CPNE4: variants seen among roughly 807,000 people sequenced by gnomAD.
CPNE4 encodes the protein copine-4.
A neutral mutation model predicts 67.9 loss-of-function variants in CPNE4; 25 were observed. The observed-to-expected ratio is 0.37, with a 90% CI of 0.27 to 0.51. The LOEUF is 0.51. Among genes scored for constraint, CPNE4 ranks in the 20% least tolerant of loss-of-function variants. CPNE4 has a pLI of 0.93. For synonymous variants in CPNE4, 242 were observed against 244.9 expected, an observed-to-expected ratio of 0.99 and a Z score of 0.11; for missense variants, 464 against 690.8, an observed-to-expected ratio of 0.67 and a Z score of 3.68.
At chr3:131,646,434 T>G (rs550114568) in intron 7 of CPNE4, among the ~76,000 whole-genome samples, 1 of 152,112 alleles carries the variant, frequency 6.6e-6, no homozygotes, top group Admixed American at 6.5e-5. Flanking sequence ...GCTCACTATA[T>G]ATAGCAGAAA....
intron 6 of CPNE4, among the ~76,000 whole-genome samples, chr3:131,683,458 C>A (rs1314478741): frequency 6.6e-6 from 1 of 152,154 alleles, no homozygotes; most frequent in East Asian, 1.9e-4. Context: ...CAGGACTCTG[C>A]CTGGTGCCCT....
intron 2 of CPNE4, among the ~76,000 whole-genome samples, chr3:131,893,595 A>G (rs1241160310): frequency 1.3e-5 from 2 of 152,008 alleles, no homozygotes; most frequent in Admixed American, 1.3e-4. Context: ...AGCCTTAAGC[A>G]TATAAAGATC....
rs1449340081 is a variant in CPNE4, at chr3:131,600,901, GCTA to G, written c.682-13322_682-13320del. Among the ~76,000 whole-genome samples, 3 of 152,112 alleles carry G rather than the reference GCTA, an allele frequency of 2.0e-5. No individual in the cohort carries two copies. The East Asian group carries it at 5.8e-4, about 29-fold the overall frequency. ...TCTAGACTCTCTGGCTGTGGACTTT[GCTA>G]CTTTTTCTTTTTCTTCTAAATCAGT... On this transcript the variant is annotated intron_variant, in intron 7 of 15. Coordinates refer to ENST00000429747, the MANE Select transcript of CPNE4 (RefSeq NM_130808.3).
chr3:131,794,480 T>TA (rs1481477479), intron 2 of CPNE4, among the ~76,000 whole-genome samples: 1 of 152,066 alleles, frequency 6.6e-6, no homozygotes, highest in African/African-American at 2.4e-5. Context: ...CTTGACCTTG[T>TA]GATCCACCCA....
At chr3:131,577,049 C>G (rs1937567366) in intron 9 of CPNE4, among the ~76,000 whole-genome samples, 1 of 150,938 alleles carries the variant, frequency 6.6e-6, no homozygotes, top group African/African-American at 2.4e-5. Context: ...TCATAAGGCC[C>G]AAAGTTGTCA....
At chr3:131,610,155 G>A (rs1473415655) in intron 7 of CPNE4, among the ~76,000 whole-genome samples, 1 of 151,936 alleles carries the variant, frequency 6.6e-6, no homozygotes, top group African/African-American at 2.4e-5. Flanking sequence ...CATGGGCCAG[G>A]TACTGTGCTA....
chr3:131,794,458 T>A (rs1324812202), intron 2 of CPNE4, among the ~76,000 whole-genome samples: 1 of 152,128 alleles, frequency 6.6e-6, no homozygotes, highest in Admixed American at 6.6e-5. Flanking sequence ...TTGGCCAGGA[T>A]GGTGTCGATC....
At chr3:131,778,393 T>C (rs2083345569) in intron 2 of CPNE4, among the ~76,000 whole-genome samples, 1 of 152,026 alleles carries the variant, frequency 6.6e-6, no homozygotes. Context: ...AGGTTCAAAT[T>C]CTTGTCTGGC....
chr3:131,917,201 C>T (rs770538973), intron 1 of CPNE4, among the ~76,000 whole-genome samples: 5 of 152,170 alleles, frequency 3.3e-5, no homozygotes, highest in Non-Finnish European at 7.4e-5. Flanking sequence ...TCTAACGTGG[C>T]AGTACCTTTA....
At position 131,774,051 on chromosome 3, in the gene CPNE4, C is replaced by A. The variant is rs1427418901; in HGVS notation, c.181-50426G>T. Among the ~76,000 whole-genome samples the A allele has an allele frequency of 2.6e-5, 4 of 152,210 alleles. No homozygotes were observed. In the East Asian group the frequency reaches 7.7e-4, roughly 29 times the overall value. On this transcript the variant is annotated intron_variant, in intron 2 of 15. Coordinates refer to ENST00000429747, the MANE Select transcript of CPNE4 (RefSeq NM_130808.3). Reference sequence around the variant, plus strand: ...TAAAACATATATTTTGAGACTATTTCATTAAGGAAACTGAGGCTTAGGATT... The same window carrying A: ...TAAAACATATATTTTGAGACTATTTAATTAAGGAAACTGAGGCTTAGGATT...
At chr3:131,564,741 G>A (rs941882284) in intron 10 of CPNE4, among the ~76,000 whole-genome samples, 8 of 151,946 alleles carry the variant, frequency 5.3e-5, no homozygotes, top group East Asian at 1.9e-4. Flanking sequence ...CCATCTACGC[G>A]GCATAGGTAA....
At chr3:131,876,174 G>A (rs2087436705) in intron 2 of CPNE4, among the ~76,000 whole-genome samples, 1 of 151,772 alleles carries the variant, frequency 6.6e-6, no homozygotes, top group Non-Finnish European at 1.5e-5. Flanking sequence ...AGGAGGCGGA[G>A]GTTACAGTGA....
At chr3:131,858,814 T>G (rs1027191412) in intron 2 of CPNE4, among the ~76,000 whole-genome samples, 1 of 152,084 alleles carries the variant, frequency 6.6e-6, no homozygotes, top group Non-Finnish European at 1.5e-5. Flanking sequence ...AAAATCAATC[T>G]TTACAAAATT....
intron 7 of CPNE4, among the ~76,000 whole-genome samples, chr3:131,635,256 C>T (rs1227172048): frequency 2.0e-5 from 3 of 152,172 alleles, no homozygotes; most frequent in Non-Finnish European, 4.4e-5. Context: ...AGGCTCCTAA[C>T]TTTGTCACAC....
intron 2 of CPNE4, among the ~76,000 whole-genome samples, chr3:131,794,522 C>T (rs553390226): frequency 1.3e-5 from 2 of 152,272 alleles, no homozygotes; most frequent in South Asian, 2.1e-4. Flanking sequence ...GGATTACTGG[C>T]GTGAGCCACC....
At chr3:131,623,994 G>A (rs1940607280) in intron 7 of CPNE4, among the ~76,000 whole-genome samples, 1 of 152,182 alleles carries the variant, frequency 6.6e-6, no homozygotes, top group African/African-American at 2.4e-5. Flanking sequence ...CACGGCAGTT[G>A]TTTACCACCT....
At position 131,549,981 on chromosome 3, in the gene CPNE4, G is replaced by A; in HGVS notation, c.1268C>T (p.Ser423Leu). 4 of 1,613,196 alleles carry A rather than the reference G, an allele frequency of 2.5e-6. No individual in the cohort carries two copies. The highest frequency in any genetic ancestry group is 3.4e-6 in the Non-Finnish European group (4 of 1,179,418). ...CTTGGTGTTAGTTTCCTCTGACGCT[G>A]ACTTGGCAACCTTCTGGATGATGGG... The part of the protein sequence containing the change: ...IAPIIQKVAK[S>L]ASEETNTKEA... The change falls in exon 14 of 16, where the codon TCA becomes TTA. Residue 423 changes from serine (S) to leucine (L), a missense_variant. Ser to Leu is a moderately radical substitution (Grantham distance 145). This residue lies in a region of CPNE4 where 201 missense variants were observed against 357.7 expected (regional missense o/e 0.56). Coordinates refer to ENST00000429747, the MANE Select transcript of CPNE4 (RefSeq NM_130808.3).
At chr3:131,816,979 C>T (rs562498770) in intron 2 of CPNE4, among the ~76,000 whole-genome samples, 154 of 152,286 alleles carry the variant, frequency 1.0e-3, no homozygotes, top group Middle Eastern at 3.4e-3. Context: ...TGTATAGCTA[C>T]CATCAAAATT....
chr3:131,653,812 T>C (rs2079879411), intron 7 of CPNE4, among the ~76,000 whole-genome samples: 2 of 152,200 alleles, frequency 1.3e-5, no homozygotes, highest in Non-Finnish European at 2.9e-5. Flanking sequence ...CCTGTAAATA[T>C]TTCATGGCCT....
Sources: gnomAD v4.1 joint callset for allele counts (sites outside exome capture counted in the v4.1 genomes callset) on GRCh38, gnomAD v4.1.1 for gene constraint, gnomAD v4.1.1 regional missense constraint, MANE v1.5 for transcripts, NCBI Gene and HGNC (gene_info 2026-07-23, HGNC 2026-07-21) for gene names.